TOP3A: variants seen among roughly 807,000 people sequenced by gnomAD.
The protein encoded by TOP3A is DNA topoisomerase 3-alpha.
TOP3A carries 64 observed loss-of-function variants against 111.3 expected under a neutral mutation model. That is an observed-to-expected ratio of 0.57 (90% CI 0.47 to 0.71). The LOEUF (loss-of-function observed/expected upper bound fraction) is 0.71, where lower values mean the gene tolerates loss of function less well. Ranked by LOEUF, TOP3A falls within the 30% of genes least tolerant of loss-of-function variation. The pLI is 0.00. For missense variants in TOP3A, 1,104 were observed against 1,285.0 expected (o/e 0.86, Z 2.15); for synonymous variants, 484 against 485.1 (o/e 1.00, Z 0.03).
chr17:18,292,910 A>G lies in TOP3A; in HGVS notation c.1074-58T>C. The G allele has an allele frequency of 4.0e-6, 6 of 1,504,730 alleles. No individual in the cohort carries two copies. In the South Asian group the frequency reaches 7.6e-5, roughly 19 times the overall value. 93.2% of individuals were successfully genotyped at this position (1,504,730 alleles called of 1,614,324 possible). On this transcript the variant is annotated intron_variant, in intron 10 of 18. Transcript: ENST00000321105. ...TTGCTAGGCTCTCTGATTGGTCTAT[A>G]AACAACTGAAAGCACACACTAACAC...
intron 2 of TOP3A, 133 bp downstream of exon 2, chr17:18,308,749 C>T (rs1981738270): frequency 1.9e-6 from 1 of 517,530 alleles, no homozygotes. Flanking sequence ...ATAAAGTGAT[C>T]ACCCCATATC....
At chr17:18,286,262 G>A (rs1252652821) in intron 13 of TOP3A, among the ~76,000 whole-genome samples, 1 of 151,642 alleles carries the variant, frequency 6.6e-6, no homozygotes, top group African/African-American at 2.4e-5. Flanking sequence ...CCAGCAATTT[G>A]GGAAGCCGAA....
At chr17:18,285,373 C>A in intron 14 of TOP3A, 34 bp downstream of exon 14, 1 of 1,613,430 alleles carries the variant, frequency 6.2e-7, no homozygotes, top group Non-Finnish European at 8.5e-7. Flanking sequence ...GGCGACACCA[C>A]CCACTACCCA....
intron 9 of TOP3A, among the ~76,000 whole-genome samples, chr17:18,299,293 T>C (rs1040832825): frequency 6.6e-6 from 1 of 152,140 alleles, no homozygotes; most frequent in Non-Finnish European, 1.5e-5. Context: ...TAGCTGGTCA[T>C]AGTGGTACAT....
intron 13 of TOP3A, 76 bp downstream of exon 13, chr17:18,290,481 G>A: frequency 1.4e-6 from 2 of 1,405,962 alleles, no homozygotes; most frequent in Admixed American, 3.1e-5. Flanking sequence ...ATGGTTTGAA[G>A]ACTAGAGGAA....
chr17:18,299,006 C>A (rs1480503460), intron 9 of TOP3A, among the ~76,000 whole-genome samples: 1 of 151,190 alleles, frequency 6.6e-6, no homozygotes, highest in Non-Finnish European at 1.5e-5. Flanking sequence ...TGTCCTGTGA[C>A]CCTGCCAAAT....
At chr17:18,311,528 A>C (rs575699655) in intron 1 of TOP3A, among the ~76,000 whole-genome samples, 6 of 152,266 alleles carry the variant, frequency 3.9e-5, no homozygotes, top group Non-Finnish European at 8.8e-5. Context: ...TCACGACCTC[A>C]GGTGGTCTGC....
chr17:18,313,674 A>C (rs530162194), intron 1 of TOP3A: 1 of 151,952 alleles, frequency 6.6e-6, no homozygotes, highest in Admixed American at 6.6e-5. Context: ...TGTCTACTTC[A>C]TTGTCTAGAA....
intron 18 of TOP3A, among the ~76,000 whole-genome samples, chr17:18,277,218 G>A (rs1199057454): frequency 6.7e-6 from 1 of 149,556 alleles, no homozygotes; most frequent in African/African-American, 2.5e-5. Flanking sequence ...AAATGAGGCT[G>A]ATGCTTATGG....
At chr17:18,310,442 AG>A (rs904394790) in intron 1 of TOP3A, among the ~76,000 whole-genome samples, 5 of 152,198 alleles carry the variant, frequency 3.3e-5, no homozygotes, top group African/African-American at 9.6e-5. Flanking sequence ...ACCAAAAAAA[AG>A]GAATGAAGAA....
At chr17:18,287,323 C>A (rs1464058785) in intron 13 of TOP3A, among the ~76,000 whole-genome samples, 1 of 151,882 alleles carries the variant, frequency 6.6e-6, no homozygotes, top group Non-Finnish European at 1.5e-5. Flanking sequence ...CATTTGAGGT[C>A]AGGAATTCGA....
chr17:18,305,480 ACACACACGCG>A (rs1981504160), intron 4 of TOP3A, among the ~76,000 whole-genome samples: 1 of 145,900 alleles, frequency 6.9e-6, no homozygotes, highest in Non-Finnish European at 1.5e-5. Context: ...GCTCTAACAC[ACACACACGCG>A]CGCGCGCGCG....
chr17:18,299,494 T>C (rs1329612245), intron 9 of TOP3A, 65 bp downstream of exon 9: 95 of 1,469,666 alleles, frequency 6.5e-5, no homozygotes, highest in Middle Eastern at 5.2e-4. Context: ...GTCTAGGCGG[T>C]AGAACCACAG....
intron 8 of TOP3A, 56 bp from the exon 9 acceptor site, chr17:18,299,689 C>A (rs1205119308): frequency 2.0e-6 from 3 of 1,494,938 alleles, no homozygotes; most frequent in Non-Finnish European, 2.8e-6. Context: ...CATCTCCATC[C>A]TTCCTATGGA....
At chr17:18,283,664 G>C (rs1979909202) in intron 15 of TOP3A, among the ~76,000 whole-genome samples, 1 of 152,082 alleles carries the variant, frequency 6.6e-6, no homozygotes, top group South Asian at 2.1e-4. Context: ...ACGGTTAAGG[G>C]CTCAGTCCCA....
rs564116120 is a variant in TOP3A, at chr17:18,275,923, G to A, written c.2828-943C>T. On this transcript the variant is annotated intron_variant, in intron 18 of 18. Transcript: ENST00000321105. ...ACCCGCCTCGGCCTCCCAAAGTGCT[G>A]GGATTACAGGCATGAGCCACCGCGC... 3.3e-5 allele frequency among the ~76,000 whole-genome samples: 5 copies of A among 152,264 alleles called. No homozygotes were observed. The South Asian group carries it at 1.0e-3, about 32-fold the overall frequency.
intron 8 of TOP3A, among the ~76,000 whole-genome samples, chr17:18,300,377 A>C (rs1981152806): frequency 6.6e-6 from 1 of 151,142 alleles, no homozygotes; most frequent in Non-Finnish European, 1.5e-5. Context: ...CTGGCAAATG[A>C]GCTAGACTTT....
In TOP3A at chr17:18,272,062, T is replaced by C. The variant is rs1171265428; in HGVS notation, c.*2740A>G. ...GCCTGGGCACAAGAGCGAAACTCCA[T>C]CTCAAAAAAAAATAAAAAATAAAAA... On this transcript the variant is annotated 3_prime_UTR_variant, in exon 19 of 19. Transcript: ENST00000321105. Among the ~76,000 whole-genome samples the C allele has an allele frequency of 1.3e-5, 2 of 150,362 alleles. No individual in the cohort carries two copies. Among genetic ancestry groups the C allele is most frequent in the African/African-American group, 4.9e-5 (2 of 40,726 alleles).
Position 18,294,638 on chromosome 17 carries a change from A to G in TOP3A, c.1073+65T>C, listed in dbSNP as rs561499826. On this transcript the variant is annotated intron_variant, in intron 10 of 18. Transcript: ENST00000321105. ...CCACCGTGCCCAACCCATAAACTCT[A>G]TTTCTCAAATATTTCATCCTGATAA... The G allele has an allele frequency of 2.5e-5, 33 of 1,309,790 alleles. No individual in the cohort carries two copies. In the African/African-American group the frequency reaches 4.1e-4, roughly 16 times the overall value. The allele number at this position is 1,309,790 out of a possible 1,614,324, so 81.1% of individuals were successfully genotyped here.
Sources: gnomAD v4.1 joint callset for allele counts (sites outside exome capture counted in the v4.1 genomes callset) on GRCh38, gnomAD v4.1.1 for gene constraint, MANE v1.5 for transcripts, NCBI Gene and HGNC (gene_info 2026-07-23, HGNC 2026-07-21) for gene names.